Variants in ABCC2 observed in about 807,000 individuals in gnomAD.
ABCC2 encodes the protein ATP-binding cassette sub-family C member 2.
In ABCC2, 157 loss-of-function variants were observed where a neutral mutation model predicts 173.4. The ratio of observed to expected loss-of-function variants is 0.91; its 90% CI spans 0.80 to 1.03. ABCC2 has a LOEUF of 1.03. Among genes scored for constraint, ABCC2 ranks in the 50% least tolerant of loss-of-function variants. The pLI, the probability that ABCC2 is intolerant of heterozygous loss-of-function variation, is 0.00. For missense variants in ABCC2, 1,822 were observed against 1,852.3 expected, an observed-to-expected ratio of 0.98 and a Z score of 0.30; for synonymous variants, 657 against 693.5, an observed-to-expected ratio of 0.95 and a Z score of 0.83.
chr10:99,846,269 C>G (rs1054944339), intron 29 of ABCC2, among the ~76,000 whole-genome samples: 1 of 152,228 alleles, frequency 6.6e-6, no homozygotes, highest in Non-Finnish European at 1.5e-5. Flanking sequence ...AGGACTGCCG[C>G]GAGGCCTCTC....
At chr10:99,806,990 G>C (rs1009837534) in intron 11 of ABCC2, among the ~76,000 whole-genome samples, 2 of 152,154 alleles carry the variant, frequency 1.3e-5, no homozygotes, top group East Asian at 3.9e-4. Flanking sequence ...CAAAAGTTTG[G>C]CAAGGTTCCC....
Position 99,834,526 on chromosome 10 carries a change from A to G in ABCC2, c.3405A>G (p.Val1135=), listed in dbSNP as rs777826548. Residue 1135 remains valine, a synonymous_variant, in exon 24 of 32, where the codon GTA becomes GTG. Coordinates refer to ENST00000647814, the MANE Select transcript of ABCC2 (RefSeq NM_000392.5). ...IIVIPLGIIY[V]SVQMFYVSTS... ...TCATTCCTCTTGGCATTATTTATGT[A>G]TCTGTTCAGGTAGGTTTGGAAATGG... 1.9e-6 allele frequency: 3 copies of G among 1,613,954 alleles called. No homozygotes were observed. Among genetic ancestry groups the G allele is most frequent in the Middle Eastern group, 1.6e-4 (1 of 6,084 alleles).
chr10:99,795,301 C>T (rs2037880157), intron 6 of ABCC2, among the ~76,000 whole-genome samples: 1 of 152,096 alleles, frequency 6.6e-6, no homozygotes, highest in Non-Finnish European at 1.5e-5. Context: ...TTTAGTAATA[C>T]AAGTACTTCT....
chr10:99,792,375 C>T lies in ABCC2; in HGVS notation c.333+16C>T. On this transcript the variant is annotated intron_variant, in intron 3 of 31. Transcript: ENST00000647814. ...AGGCACATGGGTAAGACCTATACCA[C>T]TTCTGCCCTGTTTACCTTTTCATTA... The T allele has an allele frequency of 6.2e-7, 1 of 1,613,658 alleles. No individual in the cohort carries two copies. The highest frequency in any genetic ancestry group is 8.5e-7 in the Non-Finnish European group (1 of 1,179,656).
chr10:99,796,305 GAC>G (rs1293876227), intron 6 of ABCC2, among the ~76,000 whole-genome samples: 1 of 152,126 alleles, frequency 6.6e-6, no homozygotes, highest in African/African-American at 2.4e-5. Flanking sequence ...AGGAATTTGA[GAC>G]CAGCCTGGCC....
At position 99,794,454 on chromosome 10, in the gene ABCC2, C is replaced by T; in HGVS notation, c.618C>T (p.Tyr206=). The T allele has an allele frequency of 6.8e-6, 11 of 1,613,814 alleles. No individual in the cohort carries two copies. Among genetic ancestry groups the T allele is most frequent in the Non-Finnish European group, 9.3e-6 (11 of 1,179,744 alleles). Residue 206 remains tyrosine, a synonymous_variant, in exon 6 of 32, where the codon TAC becomes TAT. Coordinates refer to ENST00000647814, the MANE Select transcript of ABCC2 (RefSeq NM_000392.5). ...SIASFLSSIT[Y]SWYDSIILKG... ...CTTCATTCCTGAGTAGCATTACCTA[C>T]AGCTGGTATGACAGGTAGGAAAGCC... is the stretch of plus-strand genomic sequence containing the variant.
intron 25 of ABCC2, among the ~76,000 whole-genome samples, chr10:99,839,318 G>A (rs2038894076): frequency 5.6e-5 from 6 of 106,208 alleles, no homozygotes; most frequent in Admixed American, 8.5e-5. Context: ...CGGCCGGGCA[G>A]AGGCGCCCCT....
chr10:99,841,595 A>C (rs1162075296), intron 25 of ABCC2, among the ~76,000 whole-genome samples: 3 of 152,122 alleles, frequency 2.0e-5, no homozygotes, highest in Non-Finnish European at 4.4e-5. Flanking sequence ...CTTGAATCCC[A>C]TCCTAGGCCC....
chr10:99,808,320 T>C lies in ABCC2; in HGVS notation c.1815+91T>C, dbSNP rs1487841157. 13 of 1,532,148 alleles carry C rather than the reference T, an allele frequency of 8.5e-6. No individual in the cohort carries two copies. The East Asian group carries it at 2.9e-4, about 34-fold the overall frequency. 94.9% of individuals were successfully genotyped at this position (1,532,148 alleles called of 1,614,324 possible). A position where few individuals can be genotyped will look rare whatever the true frequency, so the allele number is the denominator to read the frequency against. On this transcript the variant is annotated intron_variant, in intron 13 of 31. Transcript: ENST00000647814. ...GGCTATCACATCCCATGTCTAACTT[T>C]TGCTGGTAAACTTTCAAGAGAGAGA...
rs368058927 is a variant in ABCC2 at position 99,800,277 on chromosome 10, C to G, written c.1032-109C>G. On this transcript the variant is annotated intron_variant, in intron 8 of 31. Transcript: ENST00000647814. ...CAAAGGCTTTGGACAATTCTGGTCACTTTTGTTACCTACAGTGTAAAGATA... is the reference window on the plus strand; with the variant it reads ...CAAAGGCTTTGGACAATTCTGGTCAGTTTTGTTACCTACAGTGTAAAGATA... The G allele has an allele frequency of 1.4e-5, 17 of 1,197,226 alleles. 1 individual carries two copies. The highest frequency in any genetic ancestry group is 3.8e-4 in the Middle Eastern group (2 of 5,302). 74.2% of individuals were successfully genotyped at this position (1,197,226 alleles called of 1,614,324 possible).
chr10:99,784,282 T>TAAACTGGGGAACAGTCCTTC (rs2037668121), intron 1 of ABCC2, among the ~76,000 whole-genome samples: 1 of 152,152 alleles, frequency 6.6e-6, no homozygotes, highest in Non-Finnish European at 1.5e-5. Flanking sequence ...TTCTGTCCTT[T>TAAACTGGGGAACAGTCCTTC]AAACTGGGGA....
chr10:99,850,846 A>G (rs761593285), intron 31 of ABCC2, 50 bp downstream of exon 31: 2 of 1,598,956 alleles, frequency 1.3e-6, no homozygotes, highest in South Asian at 1.1e-5. Context: ...CCCTTGCTCA[A>G]CAGTAACAGT....
chr10:99,806,771 G>A (rs1271561244), intron 11 of ABCC2, among the ~76,000 whole-genome samples: 1 of 152,166 alleles, frequency 6.6e-6, no homozygotes, highest in Non-Finnish European at 1.5e-5. Flanking sequence ...TCCTCCAGAG[G>A]TGACCAATAA....
intron 2 of ABCC2, among the ~76,000 whole-genome samples, chr10:99,789,878 G>C (rs944341101): frequency 3.3e-5 from 5 of 152,126 alleles, no homozygotes; most frequent in Admixed American, 3.3e-4. Flanking sequence ...GTATCAAAAA[G>C]CCAGGATGAA....
rs1481335770 is a variant in ABCC2 at position 99,814,220 on chromosome 10, TATACACAC to T, written c.2094+1079_2094+1086del. On this transcript the variant is annotated intron_variant, in intron 16 of 31. Coordinates refer to ENST00000647814, the MANE Select transcript of ABCC2 (RefSeq NM_000392.5). The stretch of plus-strand genomic sequence containing the variant: ...GTGTATATATACACACATGTGTATA[TATACACAC>T]ATGTGTATATATGCACACACGTATG... Among the ~76,000 whole-genome samples, 48 of 78,238 alleles carry T rather than the reference TATACACAC, an allele frequency of 6.1e-4. 13 individuals are homozygous for T. The highest frequency in any genetic ancestry group is 1.0e-3 in the Non-Finnish European group (39 of 37,960). 51.3% of individuals were successfully genotyped at this position (78,238 alleles called of 152,430 possible).
At chr10:99,814,726 T>TACACACAC (rs2038364007) in intron 16 of ABCC2, among the ~76,000 whole-genome samples, 13 of 142,854 alleles carry the variant, frequency 9.1e-5, no homozygotes, top group African/African-American at 3.1e-4. Flanking sequence ...TATACACATA[T>TACACACAC]GTGTGTGTAT....
intron 1 of ABCC2, 116 bp downstream of exon 1, chr10:99,782,993 T>G: frequency 1.0e-6 from 1 of 988,992 alleles, no homozygotes; most frequent in Non-Finnish European, 1.6e-6. Flanking sequence ...GCAATTGGTC[T>G]AAAGCTCAGG....
At chr10:99,836,590 A>G (rs1320365656) in intron 25 of ABCC2, among the ~76,000 whole-genome samples, 1 of 152,160 alleles carries the variant, frequency 6.6e-6, no homozygotes, top group Non-Finnish European at 1.5e-5. Flanking sequence ...CACCTGTCTC[A>G]TGGTGGAAGT....
chr10:99,833,422 G>A (rs187107031), intron 23 of ABCC2, among the ~76,000 whole-genome samples: 59 of 152,310 alleles, frequency 3.9e-4, no homozygotes, highest in African/African-American at 1.3e-3. Context: ...AAAGGAAACT[G>A]TCATTAATTA....
Sources: allele counts gnomAD v4.1 joint callset (sites outside exome capture counted in the v4.1 genomes callset), GRCh38; gene constraint gnomAD v4.1.1; transcripts MANE v1.5; gene names NCBI Gene and HGNC (gene_info 2026-07-23, HGNC 2026-07-21).